Variants in SNTG1 observed in about 807,000 individuals in gnomAD.
SNTG1 encodes the protein gamma-1-syntrophin.
In SNTG1, 39 loss-of-function variants were observed where a neutral mutation model predicts 74.7. The observed-to-expected ratio is 0.52, with a 90% CI of 0.40 to 0.68. The LOEUF (loss-of-function observed/expected upper bound fraction) is 0.68. Among genes scored for constraint, SNTG1 ranks in the 30% least tolerant of loss-of-function variants. SNTG1 has a pLI of 0.00. For missense variants in SNTG1, 685 were observed against 609.5 expected (o/e 1.12, Z -1.30); for synonymous variants, 254 against 217.1 (o/e 1.17, Z -1.49).
chr8:50,737,919 A>G (rs2095533030), intron 17 of SNTG1, among the ~76,000 whole-genome samples: 1 of 152,120 alleles, frequency 6.6e-6, no homozygotes, highest in East Asian at 1.9e-4. Context: ...CAAAATAATA[A>G]GAGCTATTTA....
At chr8:49,958,579 C>T (rs1266498824) in intron 1 of SNTG1, among the ~76,000 whole-genome samples, 1 of 152,116 alleles carries the variant, frequency 6.6e-6, no homozygotes, top group Non-Finnish European at 1.5e-5. Flanking sequence ...TGCCACCACG[C>T]CTGGCTAATT....
In SNTG1 at chr8:50,762,098, G is replaced by A. The variant is rs116017882; in HGVS notation, c.1395+9987G>A. Among the ~76,000 whole-genome samples, 440 of 151,612 alleles carry A rather than the reference G, an allele frequency of 2.9e-3. 1 individual carries two copies. Among genetic ancestry groups the A allele is most frequent in the African/African-American group, 0.01 (425 of 41,454 alleles). ...ACAAAACACAAGTGAATCTTGCTTG[G>A]TTCTGAGACAGTGAAGAAATTTCCC... On this transcript the variant is annotated intron_variant, in intron 18 of 18. Transcript: ENST00000642720.
At chr8:50,295,386 C>A (rs935586071) in intron 2 of SNTG1, among the ~76,000 whole-genome samples, 1 of 152,066 alleles carries the variant, frequency 6.6e-6, no homozygotes, top group Non-Finnish European at 1.5e-5. Flanking sequence ...CCATATATGT[C>A]TTTAATCATT....
At chr8:50,754,397 T>C (rs549166756) in intron 18 of SNTG1, among the ~76,000 whole-genome samples, 2 of 151,982 alleles carry the variant, frequency 1.3e-5, no homozygotes, top group African/African-American at 4.8e-5. Context: ...CTGCTCATCA[T>C]AGTCTTCATT....
chr8:50,057,802 G>T (rs1820150102), intron 1 of SNTG1, among the ~76,000 whole-genome samples: 1 of 152,028 alleles, frequency 6.6e-6, no homozygotes, highest in Non-Finnish European at 1.5e-5. Context: ...TCAGCACTTG[G>T]ATGTCGTTAT....
intron 2 of SNTG1, among the ~76,000 whole-genome samples, chr8:50,374,574 T>C (rs982849350): frequency 1.3e-5 from 2 of 152,196 alleles, no homozygotes; most frequent in African/African-American, 4.8e-5. Context: ...ATAGGGACAA[T>C]TGGGACTGTA....
chr8:50,565,382 T>C (rs904534815), intron 12 of SNTG1, among the ~76,000 whole-genome samples: 3 of 152,046 alleles, frequency 2.0e-5, no homozygotes, highest in African/African-American at 7.2e-5. Context: ...AATGTGTCAT[T>C]GTTATGAAAT....
At chr8:50,111,034 T>A (rs1444022047) in intron 1 of SNTG1, among the ~76,000 whole-genome samples, 1 of 152,220 alleles carries the variant, frequency 6.6e-6, no homozygotes, top group Admixed American at 6.5e-5. Flanking sequence ...TGTAATGTGA[T>A]GACTTCTGGT....
At chr8:50,026,888 C>A (rs1817310297) in intron 1 of SNTG1, among the ~76,000 whole-genome samples, 1 of 152,068 alleles carries the variant, frequency 6.6e-6, no homozygotes, top group South Asian at 2.1e-4. Flanking sequence ...AACAATTAAA[C>A]ATGTAGATAA....
At chr8:50,602,915 T>G (rs1377979912) in intron 13 of SNTG1, among the ~76,000 whole-genome samples, 3 of 151,902 alleles carry the variant, frequency 2.0e-5, no homozygotes, top group Middle Eastern at 3.4e-3. Context: ...TTTTTTTTTT[T>G]TCAGTTCTCT....
intron 1 of SNTG1, among the ~76,000 whole-genome samples, chr8:49,983,949 C>CTA (rs1306827785): frequency 6.6e-6 from 1 of 151,550 alleles, no homozygotes; most frequent in Non-Finnish European, 1.5e-5. Context: ...ATGGATGTGC[C>CTA]AGTTCAGTTT....
At chr8:50,091,462 CT>C (rs2079735598) in intron 1 of SNTG1, among the ~76,000 whole-genome samples, 1 of 152,074 alleles carries the variant, frequency 6.6e-6, no homozygotes, top group Non-Finnish European at 1.5e-5. Context: ...CTCCCAATCC[CT>C]GGTTATCATC....
chr8:50,540,787 G>A (rs954064179), intron 11 of SNTG1, among the ~76,000 whole-genome samples: 1 of 151,860 alleles, frequency 6.6e-6, no homozygotes, highest in South Asian at 2.1e-4. Context: ...ATCTGTATTA[G>A]GATAAATAAA....
chr8:50,310,652 C>T (rs2090075441), intron 2 of SNTG1, among the ~76,000 whole-genome samples: 1 of 152,176 alleles, frequency 6.6e-6, no homozygotes, highest in Non-Finnish European at 1.5e-5. Flanking sequence ...CATGCCATTG[C>T]ACTCCAACCT....
chr8:50,502,629 A>G, intron 8 of SNTG1, 149 bp from the exon 9 acceptor site: 1 of 619,554 alleles, frequency 1.6e-6, no homozygotes, highest in Non-Finnish European at 2.8e-6. Flanking sequence ...GCAATGATAA[A>G]TAATTAGCTC....
intron 15 of SNTG1, among the ~76,000 whole-genome samples, chr8:50,702,136 G>A (rs2095428386): frequency 6.6e-6 from 1 of 151,950 alleles, no homozygotes; most frequent in Non-Finnish European, 1.5e-5. Context: ...ACTGACATGA[G>A]CCACTGCGCC....
chr8:50,158,461 T>C (rs1201722610), intron 1 of SNTG1, among the ~76,000 whole-genome samples: 1 of 152,160 alleles, frequency 6.6e-6, no homozygotes, highest in Non-Finnish European at 1.5e-5. Flanking sequence ...GCTATGCCTA[T>C]GATCATGGAG....
At chr8:50,222,276 TA>T (rs1436677995) in intron 2 of SNTG1, among the ~76,000 whole-genome samples, 1 of 152,212 alleles carries the variant, frequency 6.6e-6, no homozygotes, top group Non-Finnish European at 1.5e-5. Flanking sequence ...ATTAGATTTA[TA>T]AAGGCAGTAT....
chr8:50,355,764 G>A (rs1228536395), intron 2 of SNTG1, among the ~76,000 whole-genome samples: 1 of 152,138 alleles, frequency 6.6e-6, no homozygotes, highest in Non-Finnish European at 1.5e-5. Flanking sequence ...AGAGGAAAGA[G>A]GATTTCATTT....
Sources: gnomAD v4.1 joint callset for allele counts (sites outside exome capture counted in the v4.1 genomes callset) on GRCh38, gnomAD v4.1.1 for gene constraint, MANE v1.5 for transcripts, NCBI Gene and HGNC (gene_info 2026-07-23, HGNC 2026-07-21) for gene names.